Variants in HDAC9 observed in about 807,000 individuals in gnomAD.
HDAC9 encodes MEF-2 interacting transcription repressor (MITR) protein.
A neutral mutation model predicts 139.4 loss-of-function variants in HDAC9; 41 were observed. The observed-to-expected ratio is 0.29, with a 90% CI of 0.23 to 0.38. The LOEUF (loss-of-function observed/expected upper bound fraction) is 0.38, where lower values mean the gene tolerates loss of function less well. Ranked by LOEUF, HDAC9 falls within the 10% of genes least tolerant of loss-of-function variation. The pLI, the probability that HDAC9 is intolerant of heterozygous loss-of-function variation, is 1.00. For missense variants in HDAC9, 1,147 were observed against 1,297.0 expected (o/e 0.88, Z 1.78); for synonymous variants, 517 against 476.2 (o/e 1.09, Z -1.12).
chr7:18,654,992 G>A (rs568452844), intron 11 of HDAC9, among the ~76,000 whole-genome samples: 3 of 152,264 alleles, frequency 2.0e-5, no homozygotes, highest in South Asian at 2.1e-4. Flanking sequence ...TCACATTGCC[G>A]TTGTTTTAGA....
chr7:18,713,258 G>T (rs1325363075), intron 12 of HDAC9, among the ~76,000 whole-genome samples: 1 of 152,092 alleles, frequency 6.6e-6, no homozygotes, highest in Non-Finnish European at 1.5e-5. Flanking sequence ...GCATACCTTT[G>T]GTTGCTATAG....
chr7:18,446,259 T>C (rs1299623585), intron 1 of HDAC9, among the ~76,000 whole-genome samples: 1 of 152,232 alleles, frequency 6.6e-6, no homozygotes, highest in African/African-American at 2.4e-5. Flanking sequence ...AAATAGTTTA[T>C]TGTCATATTC....
At chr7:18,302,274 T>C (rs1242688995) in intron 1 of HDAC9, among the ~76,000 whole-genome samples, 1 of 152,206 alleles carries the variant, frequency 6.6e-6, no homozygotes, top group African/African-American at 2.4e-5. Flanking sequence ...CTAATTGTGG[T>C]TCTGAAGGGG....
chr7:18,203,769 T>C (rs1349786357), intron 2 of HDAC9, among the ~76,000 whole-genome samples: 1 of 152,232 alleles, frequency 6.6e-6, no homozygotes, highest in African/African-American at 2.4e-5. Context: ...AGTTTGTTTC[T>C]GGCACACCAG....
chr7:18,767,140 T>C lies in HDAC9; in HGVS notation c.2199T>C (p.Pro733=). ...DDSQKFFSSL[P]CGGLGVDSDT... ...CTCAAAAGTTTTTTTCCTCATTACC[T>C]TGTGGTGGACTTGGGGTAAGTACAA... is the stretch of plus-strand genomic sequence containing the variant. The change falls in exon 16 of 26, where the codon CCT becomes CCC. Residue 733 remains proline, a synonymous_variant. Coordinates refer to ENST00000686413, the MANE Select transcript of HDAC9 (RefSeq NM_178425.4). 1.3e-6 allele frequency: 2 copies of C among 1,580,324 alleles called. No homozygotes were observed. Among genetic ancestry groups the C allele is most frequent in the South Asian group, 1.2e-5 (1 of 86,362 alleles).
At chr7:18,316,131 G>A (rs1799619615) in intron 1 of HDAC9, among the ~76,000 whole-genome samples, 1 of 152,138 alleles carries the variant, frequency 6.6e-6, no homozygotes, top group Admixed American at 6.5e-5. Flanking sequence ...TTTTTAAAAT[G>A]CAGACACTGA....
intron 2 of HDAC9, among the ~76,000 whole-genome samples, chr7:18,185,380 A>G (rs752905920): frequency 2.0e-5 from 3 of 152,212 alleles, no homozygotes; most frequent in African/African-American, 7.2e-5. Flanking sequence ...ATAATGTGCA[A>G]CTAATGTTGA....
At chr7:18,618,622 C>T (rs1384457156) in intron 6 of HDAC9, among the ~76,000 whole-genome samples, 1 of 151,232 alleles carries the variant, frequency 6.6e-6, no homozygotes, top group Non-Finnish European at 1.5e-5. Flanking sequence ...TATGAACTGT[C>T]TGAGTAGGAG....
intron 3 of HDAC9, among the ~76,000 whole-genome samples, chr7:18,588,014 A>G (rs1307184227): frequency 6.6e-6 from 1 of 152,186 alleles, no homozygotes; most frequent in African/African-American, 2.4e-5. Flanking sequence ...ATGGAATATT[A>G]TTTCATTACA....
chr7:18,328,900 T>G (rs1800681802), intron 1 of HDAC9, among the ~76,000 whole-genome samples: 1 of 151,902 alleles, frequency 6.6e-6, no homozygotes, highest in Non-Finnish European at 1.5e-5. Context: ...CTTCTTTAAA[T>G]GTTTGGTAGA....
intron 21 of HDAC9, among the ~76,000 whole-genome samples, chr7:18,872,483 C>T (rs1208078872): frequency 6.6e-6 from 1 of 152,068 alleles, no homozygotes; most frequent in African/African-American, 2.4e-5. Flanking sequence ...GAAAAGGGCA[C>T]TATAAAGGTG....
At chr7:18,379,803 C>T (rs1454824773) in intron 1 of HDAC9, among the ~76,000 whole-genome samples, 1 of 152,122 alleles carries the variant, frequency 6.6e-6, no homozygotes, top group African/African-American at 2.4e-5. Context: ...GTCTCTATTT[C>T]TTGACCCTCA....
At chr7:18,994,925 G>A (rs955757629) in intron 25 of HDAC9, among the ~76,000 whole-genome samples, 2 of 152,080 alleles carry the variant, frequency 1.3e-5, no homozygotes, top group African/African-American at 2.4e-5. Flanking sequence ...CTATTATTCC[G>A]CTACCTAGAG....
At chr7:18,366,401 ACACCAGACCTAGAATTTG>A (rs1268492117) in intron 1 of HDAC9, among the ~76,000 whole-genome samples, 1 of 152,152 alleles carries the variant, frequency 6.6e-6, no homozygotes, top group Non-Finnish European at 1.5e-5. Context: ...TTGGCCCAGG[ACACCAGACCTAGAATTTG>A]CACCGGTAGA....
chr7:18,580,372 G>A (rs1162134279), intron 2 of HDAC9, among the ~76,000 whole-genome samples: 1 of 152,128 alleles, frequency 6.6e-6, no homozygotes, highest in Non-Finnish European at 1.5e-5. Flanking sequence ...AGAACGGGCA[G>A]GACTTTGCAA....
chr7:18,820,865 C>T (rs537741824), intron 17 of HDAC9, among the ~76,000 whole-genome samples: 6 of 152,216 alleles, frequency 3.9e-5, no homozygotes, highest in Admixed American at 6.5e-5. Flanking sequence ...TCTCAGAAAT[C>T]GGGGTTGGCA....
chr7:18,993,692 A>G (rs1233127367), intron 25 of HDAC9, among the ~76,000 whole-genome samples: 1 of 151,946 alleles, frequency 6.6e-6, no homozygotes. Context: ...AGTCTCAGCT[A>G]TTCGGGATAC....
chr7:18,572,275 T>C (rs1824543476), intron 2 of HDAC9, among the ~76,000 whole-genome samples: 1 of 150,142 alleles, frequency 6.7e-6, no homozygotes, highest in Non-Finnish European at 1.5e-5. Flanking sequence ...CTATTTGAAA[T>C]AGTCAAATTT....
At chr7:18,095,304 A>G (rs1782436475) in intron 1 of HDAC9, among the ~76,000 whole-genome samples, 1 of 152,206 alleles carries the variant, frequency 6.6e-6, no homozygotes, top group South Asian at 2.1e-4. Context: ...CAGGCTTACA[A>G]ATGGAATTCT....
Sources: gnomAD v4.1 joint callset for allele counts (sites outside exome capture counted in the v4.1 genomes callset) on GRCh38, gnomAD v4.1.1 for gene constraint, MANE v1.5 for transcripts, NCBI Gene and HGNC (gene_info 2026-07-23, HGNC 2026-07-21) for gene names.